NR5A2: variants seen among roughly 807,000 people sequenced by gnomAD.
NR5A2 encodes CYP7A promoter-binding factor.
Under a neutral mutation model 62.7 loss-of-function variants are expected in NR5A2, and 26 were observed. The observed-to-expected ratio is 0.41, with a 90% CI of 0.30 to 0.58. NR5A2 has a LOEUF of 0.58. Ranked by LOEUF, NR5A2 falls within the 20% of genes least tolerant of loss-of-function variation. NR5A2 has a pLI of 0.22. For missense variants in NR5A2, 541 were observed against 669.1 expected (o/e 0.81, Z 2.11); for synonymous variants, 246 against 241.7 (o/e 1.02, Z -0.16).
At chr1:200,056,661 T>C (rs1558110308) in intron 5 of NR5A2, among the ~76,000 whole-genome samples, 2 of 152,192 alleles carry the variant, frequency 1.3e-5, no homozygotes, top group Non-Finnish European at 1.5e-5. Context: ...TGAGCACTAA[T>C]AGTTTCCATG....
chr1:200,046,162 T>C (rs1487010594), intron 4 of NR5A2, among the ~76,000 whole-genome samples: 2 of 152,058 alleles, frequency 1.3e-5, no homozygotes, highest in East Asian at 1.9e-4. Context: ...AAATAAAAAA[T>C]TGAGAATCAG....
rs1028406915 is a variant in NR5A2, at chr1:200,070,070, C to T, written c.1110+21252C>T. Among the ~76,000 whole-genome samples, 8 of 151,846 alleles carry T rather than the reference C, an allele frequency of 5.3e-5. No homozygotes were observed. In the South Asian group the frequency reaches 1.7e-3, roughly 32 times the overall value. On this transcript the variant is annotated intron_variant, in intron 5 of 7. Coordinates refer to ENST00000367362, the MANE Select transcript of NR5A2 (RefSeq NM_205860.3). ...TTTGCCCGAAAAATAAAGTGACATC[C>T]TTAAGTACTTTTCATTTGTGAGGTA...
At chr1:200,055,992 G>A (rs1462525425) in intron 5 of NR5A2, among the ~76,000 whole-genome samples, 1 of 152,154 alleles carries the variant, frequency 6.6e-6, no homozygotes, top group Admixed American at 6.5e-5. Context: ...CAGCAGGTTT[G>A]ATTCATGGTC....
intron 7 of NR5A2, among the ~76,000 whole-genome samples, chr1:200,157,299 T>G (rs1346159700): frequency 2.0e-5 from 3 of 152,048 alleles, no homozygotes; most frequent in Non-Finnish European, 2.9e-5. Flanking sequence ...TAATCAGGAG[T>G]TGACTATAAT....
intron 7 of NR5A2, among the ~76,000 whole-genome samples, chr1:200,164,795 G>A (rs1020898743): frequency 5.4e-5 from 8 of 148,212 alleles, no homozygotes; most frequent in African/African-American, 1.7e-4. Flanking sequence ...TGATCCACCC[G>A]CCTTGGCCTC....
Position 200,160,982 on chromosome 1 carries a change from CAA to C in NR5A2, c.1379-12969_1379-12968del, listed in dbSNP as rs56332154. Among the ~76,000 whole-genome samples the C allele has an allele frequency of 4.3e-3, 600 of 139,374 alleles. 2 individuals carry two copies. The highest frequency in any genetic ancestry group is 0.014 in the African/African-American group (531 of 38,820). 91.4% of individuals were successfully genotyped at this position (139,374 alleles called of 152,430 possible). A position where few individuals can be genotyped will look rare whatever the true frequency, so the allele number is the denominator to read the frequency against. On this transcript the variant is annotated intron_variant, in intron 7 of 7. Coordinates refer to ENST00000367362, the MANE Select transcript of NR5A2 (RefSeq NM_205860.3). ...CAAAAACTGTTTCAGGACGTGAGTACAAAAAAAAAAAAATAGTGAAGAGGTTT... is the reference window on the plus strand; with the variant it reads ...CAAAAACTGTTTCAGGACGTGAGTACAAAAAAAAAAATAGTGAAGAGGTTT...
At chr1:200,148,194 C>T (rs924937500) in intron 7 of NR5A2, 1 of 276,782 alleles carries the variant, frequency 3.6e-6, no homozygotes, top group South Asian at 1.1e-4. Flanking sequence ...GCAACCTGTC[C>T]GTTGGGCCTA....
intron 7 of NR5A2, among the ~76,000 whole-genome samples, chr1:200,161,518 G>T (rs1653640985): frequency 6.6e-6 from 1 of 152,130 alleles, no homozygotes; most frequent in Non-Finnish European, 1.5e-5. Context: ...CCGTGATGTG[G>T]TCCCTAACAC....
intron 5 of NR5A2, among the ~76,000 whole-genome samples, chr1:200,073,274 A>T (rs1663831764): frequency 9.8e-6 from 1 of 102,172 alleles, no homozygotes; most frequent in African/African-American, 4.0e-5. Context: ...CCCTTTATAT[A>T]TATATATATA....
At chr1:200,125,371 T>C (rs1443746619) in intron 7 of NR5A2, among the ~76,000 whole-genome samples, 1 of 152,230 alleles carries the variant, frequency 6.6e-6, no homozygotes, top group East Asian at 1.9e-4. Flanking sequence ...AGCTCTTTGC[T>C]TCATACTAAA....
intron 5 of NR5A2, among the ~76,000 whole-genome samples, chr1:200,061,548 G>C (rs891697665): frequency 6.6e-6 from 1 of 152,154 alleles, no homozygotes; most frequent in Non-Finnish European, 1.5e-5. Context: ...AAAGTGCTGG[G>C]ATTACAGGCG....
In NR5A2 at chr1:200,162,926, C is replaced by T. The variant is rs114741495; in HGVS notation, c.1379-11037C>T. Among the ~76,000 whole-genome samples the T allele has an allele frequency of 5.2e-3, 785 of 152,288 alleles. 6 individuals are homozygous for T. Among genetic ancestry groups the T allele is most frequent in the African/African-American group, 0.018 (757 of 41,534 alleles). On this transcript the variant is annotated intron_variant, in intron 7 of 7. Transcript: ENST00000367362. Reference sequence around the variant, plus strand: ...ATGTCCCCTGGCTATCAGGTAGAGACATCTAGTAAATAGTAAACAGTCATA... The same window carrying T: ...ATGTCCCCTGGCTATCAGGTAGAGATATCTAGTAAATAGTAAACAGTCATA...
intron 5 of NR5A2, among the ~76,000 whole-genome samples, chr1:200,104,373 A>C (rs1235962852): frequency 1.3e-5 from 2 of 152,182 alleles, no homozygotes; most frequent in African/African-American, 2.4e-5. Context: ...GCAGATAATC[A>C]TCAGTGTTCT....
intron 5 of NR5A2, among the ~76,000 whole-genome samples, chr1:200,072,370 T>A (rs980880343): frequency 6.6e-6 from 1 of 152,218 alleles, no homozygotes; most frequent in African/African-American, 2.4e-5. Flanking sequence ...GGGTTGGCTA[T>A]AATAGCAATT....
Position 200,039,685 on chromosome 1 carries a change from C to G in NR5A2, c.92C>G (p.Ser31Cys). ...IGAGLPDRHG[S>C]PIPARGRLVM... is the part of the protein sequence containing the mutation. Reference sequence around the variant, plus strand: ...GCTGGGCTTCCGGACCGACACGGATCCCCCATCCCCGCCCGCGGTCGCCTT... The same window carrying G: ...GCTGGGCTTCCGGACCGACACGGATGCCCCATCCCCGCCCGCGGTCGCCTT... Residue 31 changes from serine (S) to cysteine (C), a missense_variant, in exon 2 of 8, where the codon TCC becomes TGC. This residue lies in a region of NR5A2 where 108 missense variants were observed against 103.3 expected (regional missense o/e 1.05). Coordinates refer to ENST00000367362, the MANE Select transcript of NR5A2 (RefSeq NM_205860.3). The surrounding 1 kb of genome is among the most constrained non-coding windows in gnomAD (Gnocchi z 5.1). 6.2e-7 allele frequency: 1 copy of G among 1,610,258 alleles called. No individual in the cohort carries two copies. The highest frequency in any genetic ancestry group is 1.1e-5 in the South Asian group (1 of 90,924).
intron 2 of NR5A2, chr1:200,043,050 G>T: frequency 1.0e-6 from 1 of 960,470 alleles, no homozygotes; most frequent in South Asian, 4.8e-5. Context: ...CCTTCTGTGT[G>T]TCTTTTACTC....
At chr1:200,152,069 A>G (rs770707641) in intron 7 of NR5A2, among the ~76,000 whole-genome samples, 70 of 152,384 alleles carry the variant, frequency 4.6e-4, no homozygotes, top group Admixed American at 8.5e-4. Flanking sequence ...CTTTGGGAGC[A>G]CATTAGCTAC....
At chr1:200,102,528 ACAT>A (rs1292859280) in intron 5 of NR5A2, among the ~76,000 whole-genome samples, 1 of 152,110 alleles carries the variant, frequency 6.6e-6, no homozygotes, top group Admixed American at 6.5e-5. Flanking sequence ...TTACACCTAA[ACAT>A]GTGAACGTTG....
chr1:200,131,852 T>G (rs1174428555), intron 7 of NR5A2, among the ~76,000 whole-genome samples: 8 of 152,122 alleles, frequency 5.3e-5, no homozygotes, highest in African/African-American at 1.7e-4. Context: ...CTGTGTTTGG[T>G]TAAGAAGGTT....
Sources: gnomAD v4.1 joint callset for allele counts (sites outside exome capture counted in the v4.1 genomes callset) on GRCh38, gnomAD v4.1.1 for gene constraint, gnomAD v4.1.1 regional missense constraint, Gnocchi (gnomAD v3.1) non-coding constraint, MANE v1.5 for transcripts, NCBI Gene and HGNC (gene_info 2026-07-23, HGNC 2026-07-21) for gene names.